USP15: variants seen among roughly 807,000 people sequenced by gnomAD.
The protein encoded by USP15 is ubiquitin carboxyl-terminal hydrolase 15.
USP15 carries 18 observed loss-of-function variants against 127.1 expected under a neutral mutation model. The ratio of observed to expected loss-of-function variants is 0.14; its 90% CI spans 0.10 to 0.21. The LOEUF (loss-of-function observed/expected upper bound fraction) is 0.21, where lower values mean the gene tolerates loss of function less well. Ranked by LOEUF, USP15 falls within the 10% of genes least tolerant of loss-of-function variation. The pLI is 1.00. For synonymous variants in USP15, 364 were observed against 393.7 expected (o/e 0.92, Z 0.89); for missense variants, 805 against 1,159.9 (o/e 0.69, Z 4.44).
intron 6 of USP15, chr12:62,335,092 TTAA>T (rs1418722318): frequency 5.8e-5 from 86 of 1,473,842 alleles, no homozygotes; most frequent in Non-Finnish European, 7.8e-5. Context: ...CAAAATTAGT[TTAA>T]TTCTAGGTAA....
At chr12:62,273,445 C>G (rs546773501) in intron 1 of USP15, among the ~76,000 whole-genome samples, 1 of 152,022 alleles carries the variant, frequency 6.6e-6, no homozygotes, top group African/African-American at 2.4e-5. Flanking sequence ...TGAATGAATT[C>G]CCATTTCTAA....
intron 8 of USP15, among the ~76,000 whole-genome samples, chr12:62,357,145 AG>A (rs2066156901): frequency 6.6e-6 from 1 of 152,080 alleles, no homozygotes; most frequent in African/African-American, 2.4e-5. Context: ...TGAATCTGTC[AG>A]GAGAGCACAA....
intron 6 of USP15, among the ~76,000 whole-genome samples, chr12:62,327,338 G>T (rs2065156898): frequency 6.6e-6 from 1 of 151,886 alleles, no homozygotes. Flanking sequence ...TAGTATAAAA[G>T]TAGAACTTTT....
chr12:62,393,930 G>A (rs1048966018), intron 19 of USP15: 3 of 152,128 alleles, frequency 2.0e-5, no homozygotes, highest in South Asian at 2.1e-4. Flanking sequence ...CAATGGAATT[G>A]CTTAGAAGGA....
At chr12:62,330,336 C>T (rs949346806) in intron 6 of USP15, among the ~76,000 whole-genome samples, 6 of 149,890 alleles carry the variant, frequency 4.0e-5, no homozygotes, top group Non-Finnish European at 8.9e-5. Flanking sequence ...TGCCTGTAAT[C>T]CTAGCACTTT....
chr12:62,380,506 C>G (rs2066960315), intron 8 of USP15, among the ~76,000 whole-genome samples: 1 of 152,004 alleles, frequency 6.6e-6, no homozygotes, highest in African/African-American at 2.4e-5. Flanking sequence ...TCGAAAAACT[C>G]TGATTTCCAT....
chr12:62,269,351 T>C (rs1182567484), intron 1 of USP15, among the ~76,000 whole-genome samples: 2 of 151,826 alleles, frequency 1.3e-5, no homozygotes, highest in Middle Eastern at 3.2e-3. Flanking sequence ...TGTATAAATA[T>C]ATATATGTGT....
intron 1 of USP15, chr12:62,274,054 A>G (rs1211299131): frequency 6.6e-6 from 1 of 152,138 alleles, no homozygotes; most frequent in African/African-American, 2.4e-5. Context: ...TCTTTGTTAA[A>G]TAAATGGAAT....
At chr12:62,349,695 A>G (rs764706963) in intron 7 of USP15, among the ~76,000 whole-genome samples, 1 of 152,088 alleles carries the variant, frequency 6.6e-6, no homozygotes, top group African/African-American at 2.4e-5. Context: ...AAAGCACACA[A>G]TAAATTTTTG....
chr12:62,385,885 T>C (rs898373500), intron 11 of USP15, among the ~76,000 whole-genome samples: 2 of 152,068 alleles, frequency 1.3e-5, no homozygotes, highest in Non-Finnish European at 2.9e-5. Context: ...AAAAAATAAA[T>C]GTAGATGTTT....
chr12:62,338,900 G>C (rs2065564896), intron 6 of USP15, among the ~76,000 whole-genome samples: 1 of 152,162 alleles, frequency 6.6e-6, no homozygotes, highest in Non-Finnish European at 1.5e-5. Flanking sequence ...AAGTCAGGTA[G>C]TGTGATGCCT....
chr12:62,304,830 T>TAAAAAA, intron 3 of USP15: 1 of 174,362 alleles, frequency 5.7e-6, no homozygotes, highest in South Asian at 8.1e-5. Flanking sequence ...TTATTATGCT[T>TAAAAAA]AAAAAAAAAA....
At chr12:62,310,690 G>A (rs1490008817) in intron 3 of USP15, among the ~76,000 whole-genome samples, 2 of 151,936 alleles carry the variant, frequency 1.3e-5, no homozygotes, top group African/African-American at 4.8e-5. Context: ...CAATAAACAT[G>A]TGAGTGCAGG....
chr12:62,353,676 AAC>A (rs2066029252), intron 7 of USP15, among the ~76,000 whole-genome samples: 1 of 152,034 alleles, frequency 6.6e-6, no homozygotes, highest in Non-Finnish European at 1.5e-5. Flanking sequence ...ATAAAAGAAA[AAC>A]AGGATTTTTT....
intron 1 of USP15, among the ~76,000 whole-genome samples, chr12:62,280,992 A>T (rs891806014): frequency 6.6e-6 from 1 of 152,194 alleles, no homozygotes; most frequent in African/African-American, 2.4e-5. Context: ...GCTTATCTGG[A>T]CCCTAATAGT....
intron 9 of USP15, among the ~76,000 whole-genome samples, chr12:62,383,109 T>C (rs942260943): frequency 1.3e-4 from 20 of 151,894 alleles, no homozygotes; most frequent in African/African-American, 4.6e-4. Flanking sequence ...AAACAAAATA[T>C]AATTCATATA....
At chr12:62,389,304 G>C (rs2067250415) in intron 11 of USP15, 127 bp from the exon 12 acceptor site, 1 of 740,566 alleles carries the variant, frequency 1.4e-6, no homozygotes, top group Admixed American at 2.8e-5. Flanking sequence ...CAGGATAGTG[G>C]CAAGATTGGA....
At chr12:62,306,043 G>GGCCT (rs1020682269) in intron 3 of USP15, 1 of 152,142 alleles carries the variant, frequency 6.6e-6, no homozygotes, top group African/African-American at 2.4e-5. Flanking sequence ...GAGGAACGGA[G>GGCCT]GCCTGCAACA....
chr12:62,359,990 T>G (rs1472228714), intron 8 of USP15, among the ~76,000 whole-genome samples: 1 of 152,124 alleles, frequency 6.6e-6, no homozygotes, highest in Admixed American at 6.6e-5. Context: ...AATTTTGCAT[T>G]ATTGGTGATA....
Sources: allele counts gnomAD v4.1 joint callset (sites outside exome capture counted in the v4.1 genomes callset), GRCh38; gene constraint gnomAD v4.1.1; transcripts MANE v1.5; gene names NCBI Gene and HGNC (gene_info 2026-07-23, HGNC 2026-07-21).